Variants in HACE1 observed in about 807,000 individuals in gnomAD.
HACE1 encodes the protein E3 ubiquitin-protein ligase HACE1.
Under a neutral mutation model 118.4 loss-of-function variants are expected in HACE1, and 73 were observed. That is an observed-to-expected ratio of 0.62 (90% CI 0.51 to 0.75). The LOEUF (loss-of-function observed/expected upper bound fraction) is 0.75. HACE1 is among the 30% of genes least tolerant of loss of function. HACE1 has a pLI of 0.00. For missense variants in HACE1, 749 were observed against 1,102.2 expected (o/e 0.68, Z 4.54); for synonymous variants, 368 against 374.8 (o/e 0.98, Z 0.21).
At chr6:104,831,975 GAAGAGAGGAAGGAAGGAAGGAAGGA>G (rs1260444087) in intron 6 of HACE1, among the ~76,000 whole-genome samples, 21 of 53,470 alleles carry the variant, frequency 3.9e-4, no homozygotes, top group African/African-American at 1.8e-3. Flanking sequence ...GAAGAGAAGA[GAAGAGAGGAAGGAAGGAAGGAAGGA>G]AGGAAGGAAG....
chr6:104,760,938 A>C (rs6571205), intron 19 of HACE1, among the ~76,000 whole-genome samples: 85,450 of 151,440 alleles, frequency 0.56, 25,691 homozygotes, highest in African/African-American at 0.79. Flanking sequence ...GAGTGAACTT[A>C]AATTCACAAT....
chr6:104,786,700 T>C (rs1782454309), intron 11 of HACE1: 1 of 151,874 alleles, frequency 6.6e-6, no homozygotes, highest in Non-Finnish European at 1.5e-5. Context: ...AGTGGTACAG[T>C]GGTTAAACAA....
rs201781305 is a variant in HACE1, at chr6:104,831,984, A to AGAAGAGAAGAGAAGAGAAGAGAAGAG, written c.534+1057_534+1058insCTCTTCTCTTCTCTTCTCTTCTCTTC. On this transcript the variant is annotated intron_variant, in intron 6 of 23. Coordinates refer to ENST00000262903, the MANE Select transcript of HACE1 (RefSeq NM_020771.4). ...AGAAGAGAAGAGAAGAGAAGAGAGG[A>AGAAGAGAAGAGAAGAGAAGAGAAGAG]AGGAAGGAAGGAAGGAAGGAAGGAA... is the stretch of plus-strand genomic sequence containing the variant. Among the ~76,000 whole-genome samples the AGAAGAGAAGAGAAGAGAAGAGAAGAG allele has an allele frequency of 2.6e-3, 149 of 58,268 alleles. 1 individual carries two copies. Among genetic ancestry groups the AGAAGAGAAGAGAAGAGAAGAGAAGAG allele is most frequent in the Middle Eastern group, 7.7e-3 (1 of 130 alleles). 38.2% of individuals were successfully genotyped at this position (58,268 alleles called of 152,430 possible). A position where few individuals can be genotyped will look rare whatever the true frequency, so the allele number is the denominator to read the frequency against.
At chr6:104,829,527 T>C (rs1419701135) in intron 6 of HACE1, among the ~76,000 whole-genome samples, 1 of 152,168 alleles carries the variant, frequency 6.6e-6, no homozygotes, top group African/African-American at 2.4e-5. Flanking sequence ...GGAATAAAGA[T>C]ACATACAATG....
Position 104,728,330 on chromosome 6 carries a change from A to T in HACE1, c.*1332T>A, listed in dbSNP as rs899905241. ...AACATTATTAGCTTCAGTTACTATAAATAAAGCATCCGAATCTTAATTTTA... is the reference window on the plus strand; with the variant it reads ...AACATTATTAGCTTCAGTTACTATATATAAAGCATCCGAATCTTAATTTTA... On this transcript the variant is annotated 3_prime_UTR_variant, in exon 24 of 24. Coordinates refer to ENST00000262903, the MANE Select transcript of HACE1 (RefSeq NM_020771.4). 1.3e-5 allele frequency: 2 copies of T among 152,218 alleles called. No individual in the cohort carries two copies. Among genetic ancestry groups the T allele is most frequent in the African/African-American group, 4.8e-5 (2 of 41,460 alleles). The allele number at this position is 152,218 out of a possible 1,614,324, so 9.4% of individuals were successfully genotyped here.
intron 11 of HACE1, chr6:104,785,753 G>C (rs972537949): frequency 6.3e-6 from 1 of 158,802 alleles, no homozygotes; most frequent in African/African-American, 2.4e-5. Flanking sequence ...GAACCCCTAA[G>C]TATAATCACT....
chr6:104,849,288 C>T (rs752560221), intron 3 of HACE1, 42 bp from the exon 4 acceptor site: 2 of 1,087,144 alleles, frequency 1.8e-6, no homozygotes, highest in East Asian at 2.4e-5. Flanking sequence ...ATTCAACATA[C>T]AGCCATACTT....
At chr6:104,801,092 C>T (rs943415187) in intron 7 of HACE1, among the ~76,000 whole-genome samples, 3 of 151,908 alleles carry the variant, frequency 2.0e-5, no homozygotes, top group East Asian at 1.9e-4. Flanking sequence ...ATAGCCGATT[C>T]GATCAAGTGG....
At chr6:104,802,084 A>T (rs1770430632) in intron 7 of HACE1, among the ~76,000 whole-genome samples, 1 of 152,134 alleles carries the variant, frequency 6.6e-6, no homozygotes, top group Admixed American at 6.5e-5. Context: ...CTGATAAAAC[A>T]GACGTTAGAC....
intron 1 of HACE1, among the ~76,000 whole-genome samples, chr6:104,854,192 A>G (rs1776505684): frequency 6.6e-6 from 1 of 152,200 alleles, no homozygotes; most frequent in African/African-American, 2.4e-5. Flanking sequence ...GTCCTCTTTA[A>G]AAGTCTCACG....
intron 14 of HACE1, 123 bp from the exon 15 acceptor site, chr6:104,777,440 G>A: frequency 1.4e-6 from 1 of 707,302 alleles, no homozygotes; most frequent in Non-Finnish European, 2.6e-6. Context: ...TTACAATAAG[G>A]AGTTACTGGA....
At chr6:104,779,302 A>G (rs536763993) in intron 14 of HACE1, among the ~76,000 whole-genome samples, 2 of 152,364 alleles carry the variant, frequency 1.3e-5, no homozygotes, top group Admixed American at 1.3e-4. Flanking sequence ...TTAGGACACC[A>G]ATAAATTTCT....
At chr6:104,798,103 G>A (rs76661265) in intron 7 of HACE1, among the ~76,000 whole-genome samples, 5,036 of 150,664 alleles carry the variant, frequency 0.033, 264 homozygotes, top group African/African-American at 0.12. Context: ...AAAGAAAAGA[G>A]AAGAAAAGAA....
chr6:104,769,600 C>A (rs1443411466), intron 19 of HACE1, among the ~76,000 whole-genome samples: 2 of 152,178 alleles, frequency 1.3e-5, no homozygotes, highest in African/African-American at 4.8e-5. Flanking sequence ...CTATTATAAT[C>A]TTCTAGAGCT....
intron 19 of HACE1, among the ~76,000 whole-genome samples, chr6:104,768,978 G>A (rs913245290): frequency 2.6e-5 from 4 of 152,046 alleles, no homozygotes; most frequent in African/African-American, 9.7e-5. Context: ...TCATGTCATA[G>A]TAAGGGGGGG....
chr6:104,798,080 A>G (rs1038177289), intron 7 of HACE1, among the ~76,000 whole-genome samples: 2 of 151,656 alleles, frequency 1.3e-5, no homozygotes, highest in East Asian at 1.9e-4. Context: ...AAAAAAAAAA[A>G]AAAGAAAGAA....
intron 14 of HACE1, among the ~76,000 whole-genome samples, chr6:104,783,054 T>C (rs1781907770): frequency 6.6e-6 from 1 of 152,212 alleles, no homozygotes; most frequent in Non-Finnish European, 1.5e-5. Flanking sequence ...TCAATCTACC[T>C]TTCCATAACT....
chr6:104,804,268 T>C (rs1245719673), intron 7 of HACE1, among the ~76,000 whole-genome samples: 2 of 152,180 alleles, frequency 1.3e-5, no homozygotes, highest in African/African-American at 4.8e-5. Context: ...AGAATCAATA[T>C]CGTGAAAATG....
At chr6:104,837,579 C>T (rs1373303128) in intron 5 of HACE1, among the ~76,000 whole-genome samples, 1 of 152,126 alleles carries the variant, frequency 6.6e-6, no homozygotes, top group Non-Finnish European at 1.5e-5. Flanking sequence ...GGAGTGAGTG[C>T]TAGGCAAAGA....
Sources: gnomAD v4.1 joint callset for allele counts (sites outside exome capture counted in the v4.1 genomes callset) on GRCh38, gnomAD v4.1.1 for gene constraint, MANE v1.5 for transcripts, NCBI Gene and HGNC (gene_info 2026-07-23, HGNC 2026-07-21) for gene names.